KAZN: variants seen among roughly 807,000 people sequenced by gnomAD.
The protein encoded by KAZN is kazrin.
Under a neutral mutation model 87.4 loss-of-function variants are expected in KAZN, and 40 were observed. The observed-to-expected ratio is 0.46, with a 90% CI of 0.36 to 0.60. The LOEUF (loss-of-function observed/expected upper bound fraction) is 0.60, where lower values mean the gene tolerates loss of function less well. Among genes scored for constraint, KAZN ranks in the 20% least tolerant of loss-of-function variants. The pLI is 0.00. For missense variants in KAZN, 898 were observed against 1,073.9 expected (o/e 0.84, Z 2.29); for synonymous variants, 466 against 458.3 (o/e 1.02, Z -0.22).
intron 1 of KAZN, among the ~76,000 whole-genome samples, chr1:13,982,299 C>T (rs2101081740): frequency 6.6e-6 from 1 of 152,282 alleles, no homozygotes; most frequent in Non-Finnish European, 1.5e-5. Flanking sequence ...AGCCGTGAAC[C>T]CTCACGGTGA....
intron 1 of KAZN, among the ~76,000 whole-genome samples, chr1:14,721,018 G>A (rs1371769404): frequency 1.3e-5 from 2 of 152,180 alleles, no homozygotes; most frequent in Admixed American, 6.5e-5. Flanking sequence ...ACAGAGTCAG[G>A]CATTTCTTCT....
chr1:14,856,952 T>C lies in KAZN; in HGVS notation c.227-103732T>C, dbSNP rs751648544. On this transcript the variant is annotated intron_variant, in intron 1 of 14. Transcript: ENST00000376030. This position sits in a 1 kb window ranked among gnomAD's most constrained non-coding sequence, Gnocchi z 5.2. ...AACTATCTTCATCCACACATAGGGG[T>C]TTCTGCAGAGGATAACAATTTGCAC... Among the ~76,000 whole-genome samples, 1 of 151,906 alleles carries C rather than the reference T, an allele frequency of 6.6e-6. No individual in the cohort carries two copies. The highest frequency in any genetic ancestry group is 1.9e-4 in the East Asian group (1 of 5,162).
chr1:14,275,359 G>C (rs1013764299), intron 2 of KAZN, among the ~76,000 whole-genome samples: 2 of 152,070 alleles, frequency 1.3e-5, no homozygotes, highest in African/African-American at 4.8e-5. Context: ...TAGAAACTCT[G>C]AGGGAGAGAC....
At chr1:14,573,969 C>A (rs1571962883) in intron 2 of KAZN, among the ~76,000 whole-genome samples, 1 of 152,126 alleles carries the variant, frequency 6.6e-6, no homozygotes, top group South Asian at 2.1e-4. Context: ...TCAGTCCAAC[C>A]ATTCCTATTG....
At chr1:14,868,927 G>T (rs905270926) in intron 1 of KAZN, among the ~76,000 whole-genome samples, 4 of 152,264 alleles carry the variant, frequency 2.6e-5, no homozygotes, top group Admixed American at 2.0e-4. Flanking sequence ...GGGTTGGCGG[G>T]GGGGTGCATC....
intron 1 of KAZN, among the ~76,000 whole-genome samples, chr1:14,689,997 T>C (rs1641188037): frequency 6.6e-6 from 1 of 152,150 alleles, no homozygotes; most frequent in Admixed American, 6.5e-5. Flanking sequence ...AGTCACGGGA[T>C]AAGCTGGTTG....
At chr1:14,754,405 G>T (rs936724109) in intron 1 of KAZN, among the ~76,000 whole-genome samples, 7 of 150,788 alleles carry the variant, frequency 4.6e-5, no homozygotes, top group Non-Finnish European at 8.8e-5. Flanking sequence ...GGCTGAGGCA[G>T]GTGGATCCCC....
intron 1 of KAZN, among the ~76,000 whole-genome samples, chr1:13,933,090 T>C (rs560125202): frequency 9.2e-5 from 14 of 152,296 alleles, no homozygotes; most frequent in African/African-American, 2.9e-4. Context: ...TACATGACTA[T>C]CACGTAAACT....
chr1:14,040,278 A>G (rs1289125002), intron 1 of KAZN, among the ~76,000 whole-genome samples: 1 of 152,144 alleles, frequency 6.6e-6, no homozygotes, highest in Non-Finnish European at 1.5e-5. Context: ...ACTCTGTAAC[A>G]GGAAATTGAA....
At chr1:14,864,162 G>C (rs968083673) in intron 1 of KAZN, among the ~76,000 whole-genome samples, 25 of 152,176 alleles carry the variant, frequency 1.6e-4, no homozygotes, top group Non-Finnish European at 1.0e-4. Flanking sequence ...GCAAGTGCAA[G>C]GGTCACCTCA....
chr1:14,424,280 CG>C (rs1177336455), intron 2 of KAZN, among the ~76,000 whole-genome samples: 1 of 152,208 alleles, frequency 6.6e-6, no homozygotes, highest in African/African-American at 2.4e-5. Flanking sequence ...TTACACTTCA[CG>C]TAAGTTGCTT....
chr1:14,572,930 A>C (rs1674959577), intron 2 of KAZN, among the ~76,000 whole-genome samples: 1 of 152,224 alleles, frequency 6.6e-6, no homozygotes, highest in Non-Finnish European at 1.5e-5. Context: ...TTGCTGAGTC[A>C]AGACAATAAA....
intron 1 of KAZN, among the ~76,000 whole-genome samples, chr1:14,079,228 G>C (rs1376802353): frequency 6.6e-6 from 1 of 152,234 alleles, no homozygotes; most frequent in African/African-American, 2.4e-5. Context: ...AGAGAGAGCA[G>C]GGAGGTGCCA....
chr1:14,904,580 G>A (rs903187512), intron 1 of KAZN, among the ~76,000 whole-genome samples: 1 of 152,186 alleles, frequency 6.6e-6, no homozygotes, highest in African/African-American at 2.4e-5. Context: ...GCACAGACAG[G>A]CCCGTGCGCC....
At chr1:14,611,581 G>T (rs185790977) in intron 1 of KAZN, among the ~76,000 whole-genome samples, 70 of 118,262 alleles carry the variant, frequency 5.9e-4, no homozygotes, top group Non-Finnish European at 7.8e-4. Context: ...CAGCTACCTG[G>T]GGGGGCTGAG....
intron 1 of KAZN, among the ~76,000 whole-genome samples, chr1:14,838,136 C>T (rs555098538): frequency 7.9e-5 from 12 of 152,248 alleles, no homozygotes; most frequent in African/African-American, 2.2e-4. Context: ...CTGTACCCTC[C>T]GGAGGGGACC....
intron 1 of KAZN, among the ~76,000 whole-genome samples, chr1:13,915,601 C>T (rs114101442): frequency 4.5e-4 from 69 of 152,352 alleles, no homozygotes; most frequent in African/African-American, 1.7e-3. Flanking sequence ...TCTCCTTCCA[C>T]CTCAGCGCCC....
At chr1:14,804,359 CCA>C (rs1646136611) in intron 1 of KAZN, among the ~76,000 whole-genome samples, 1 of 152,182 alleles carries the variant, frequency 6.6e-6, no homozygotes, top group Non-Finnish European at 1.5e-5. Flanking sequence ...AGCAGGGACC[CCA>C]TGGATGGGCT....
intron 1 of KAZN, among the ~76,000 whole-genome samples, chr1:14,090,364 T>G: frequency 6.6e-6 from 1 of 152,096 alleles, no homozygotes; most frequent in East Asian, 1.9e-4. Flanking sequence ...TATCTTCAAG[T>G]TCACTAATTT....
Sources: allele counts gnomAD v4.1 joint callset (sites outside exome capture counted in the v4.1 genomes callset), GRCh38; gene constraint gnomAD v4.1.1; non-coding constraint Gnocchi (gnomAD v3.1); transcripts MANE v1.5; gene names NCBI Gene and HGNC (gene_info 2026-07-23, HGNC 2026-07-21).